Variants in MAP4K5 observed in about 807,000 individuals in gnomAD.
MAP4K5 encodes the protein MAPK/ERK kinase kinase kinase 5.
A neutral mutation model predicts 135.6 loss-of-function variants in MAP4K5; 82 were observed. The ratio of observed to expected loss-of-function variants is 0.60; its 90% CI spans 0.51 to 0.73. The LOEUF (loss-of-function observed/expected upper bound fraction) is 0.73, where lower values mean the gene tolerates loss of function less well. Among genes scored for constraint, MAP4K5 ranks in the 30% least tolerant of loss-of-function variants. The pLI is 0.00. For missense variants in MAP4K5, 907 were observed against 1,010.9 expected, an observed-to-expected ratio of 0.90 and a Z score of 1.39; for synonymous variants, 347 against 335.0, an observed-to-expected ratio of 1.04 and a Z score of -0.39.
intron 6 of MAP4K5, among the ~76,000 whole-genome samples, chr14:50,478,612 T>G (rs2037160831): frequency 6.6e-6 from 1 of 152,122 alleles, no homozygotes; most frequent in South Asian, 2.1e-4. Flanking sequence ...GATTTTTTAG[T>G]ACTTGCAGAA....
chr14:50,441,743 TACACACACACACACACAC>T (rs57651486), intron 21 of MAP4K5, among the ~76,000 whole-genome samples: 2,059 of 141,596 alleles, frequency 0.015, 26 homozygotes, highest in African/African-American at 0.018. Context: ...AATTATTTTA[TACACACACACACACACAC>T]ACACACACAC....
intron 1 of MAP4K5, chr14:50,560,043 G>T (rs1241048626): frequency 3.3e-6 from 2 of 599,724 alleles, no homozygotes; most frequent in South Asian, 1.9e-5. Flanking sequence ...TGTGACGCTG[G>T]TATCTGTGTG....
At chr14:50,463,138 A>AG (rs2036749469) in intron 12 of MAP4K5, among the ~76,000 whole-genome samples, 1 of 152,214 alleles carries the variant, frequency 6.6e-6, no homozygotes, top group Admixed American at 6.5e-5. Context: ...AATCACAATA[A>AG]GAAAAAAGCA....
intron 2 of MAP4K5, among the ~76,000 whole-genome samples, chr14:50,540,631 G>A (rs1358994576): frequency 2.0e-5 from 3 of 152,054 alleles, no homozygotes; most frequent in Non-Finnish European, 4.4e-5. Context: ...TCAAAATACC[G>A]CCAAAATTCC....
intron 2 of MAP4K5, among the ~76,000 whole-genome samples, chr14:50,513,575 A>C (rs916769525): frequency 7.4e-5 from 4 of 54,170 alleles, no homozygotes; most frequent in African/African-American, 2.9e-4. Flanking sequence ...ATAATTTTTT[A>C]TAAACTGGGG....
chr14:50,553,651 C>T (rs141696025), intron 1 of MAP4K5, among the ~76,000 whole-genome samples: 24 of 152,142 alleles, frequency 1.6e-4, no homozygotes, highest in African/African-American at 5.3e-4. Flanking sequence ...TGAATGCACA[C>T]GCATGTTTGT....
At chr14:50,452,590 C>G (rs142679093) in intron 14 of MAP4K5, among the ~76,000 whole-genome samples, 2 of 152,258 alleles carry the variant, frequency 1.3e-5, no homozygotes, top group East Asian at 3.9e-4. Context: ...TCTGAAACAA[C>G]CTTTATATTA....
intron 28 of MAP4K5, among the ~76,000 whole-genome samples, chr14:50,430,980 A>G (rs2035956151): frequency 6.6e-6 from 1 of 152,198 alleles, no homozygotes; most frequent in South Asian, 2.1e-4. Context: ...TAGAAGCCTA[A>G]GAGTCAGAGC....
intron 14 of MAP4K5, among the ~76,000 whole-genome samples, chr14:50,451,664 G>T (rs1267403603): frequency 6.8e-6 from 1 of 147,440 alleles, no homozygotes; most frequent in Non-Finnish European, 1.5e-5. Flanking sequence ...TATGTTACAG[G>T]TTTTTTTTTT....
intron 28 of MAP4K5, among the ~76,000 whole-genome samples, chr14:50,433,267 G>T (rs1665389088): frequency 1.3e-5 from 2 of 152,208 alleles, no homozygotes; most frequent in Non-Finnish European, 2.9e-5. Flanking sequence ...AGACTTAAAA[G>T]GCAGAGTGCA....
intron 1 of MAP4K5, among the ~76,000 whole-genome samples, chr14:50,560,726 C>G (rs1386552430): frequency 6.7e-6 from 1 of 149,276 alleles, no homozygotes; most frequent in Admixed American, 6.7e-5. Flanking sequence ...CAAGCCCCAA[C>G]CCCCCTCCCC....
intron 3 of MAP4K5, among the ~76,000 whole-genome samples, chr14:50,489,716 T>G (rs1042523962): frequency 1.2e-4 from 18 of 152,296 alleles, no homozygotes; most frequent in African/African-American, 4.3e-4. Flanking sequence ...AACAACTGAC[T>G]TGAAAAGAAC....
intron 5 of MAP4K5, among the ~76,000 whole-genome samples, chr14:50,484,799 C>T (rs1026732909): frequency 2.8e-4 from 43 of 152,088 alleles, no homozygotes; most frequent in African/African-American, 1.0e-3. Context: ...TCTACTGTGG[C>T]TGCATTTGTA....
At chr14:50,427,851 ACTAG>A (rs1396914183) in intron 30 of MAP4K5, among the ~76,000 whole-genome samples, 1 of 152,256 alleles carries the variant, frequency 6.6e-6, no homozygotes, top group Non-Finnish European at 1.5e-5. Context: ...TCCTGTGAGA[ACTAG>A]CTATTTATAT....
At chr14:50,440,197 G>T in intron 22 of MAP4K5, 124 bp from the exon 23 acceptor site, 1 of 812,510 alleles carries the variant, frequency 1.2e-6, no homozygotes, top group Non-Finnish European at 1.9e-6. Flanking sequence ...AAACCCTTAA[G>T]AAAAAAAATC....
intron 21 of MAP4K5, among the ~76,000 whole-genome samples, chr14:50,441,187 CTGAG>C (rs2036218206): frequency 1.3e-5 from 2 of 152,098 alleles, no homozygotes; most frequent in African/African-American, 4.8e-5. Context: ...GGATGCTAAA[CTGAG>C]TGAGTGAAAT....
intron 9 of MAP4K5, among the ~76,000 whole-genome samples, chr14:50,469,706 A>G (rs79639085): frequency 0.027 from 4,183 of 152,298 alleles, 76 homozygotes; most frequent in East Asian, 0.067. Flanking sequence ...TTATTAAACA[A>G]CTGTTGAATA....
At chr14:50,451,050 G>C (rs1164696870) in intron 14 of MAP4K5, among the ~76,000 whole-genome samples, 3 of 152,160 alleles carry the variant, frequency 2.0e-5, no homozygotes, top group African/African-American at 7.2e-5. Context: ...GACACAGTAA[G>C]TGAGCAGATG....
intron 6 of MAP4K5, among the ~76,000 whole-genome samples, chr14:50,481,447 A>G (rs1171742302): frequency 6.6e-6 from 1 of 151,986 alleles, no homozygotes; most frequent in Non-Finnish European, 1.5e-5. Flanking sequence ...CCCATTTTGG[A>G]AAATATTAGA....
Sources: allele counts gnomAD v4.1 joint callset (sites outside exome capture counted in the v4.1 genomes callset), GRCh38; gene constraint gnomAD v4.1.1; transcripts MANE v1.5; gene names NCBI Gene and HGNC (gene_info 2026-07-23, HGNC 2026-07-21).